Variants in MROH2B observed in about 807,000 individuals in gnomAD.
MROH2B encodes maestro heat like repeat family member 2B.
MROH2B carries 177 observed loss-of-function variants against 208.6 expected under a neutral mutation model. That is an observed-to-expected ratio of 0.85 (90% CI 0.75 to 0.96). The LOEUF is 0.96. Ranked by LOEUF, MROH2B falls within the 40% of genes least tolerant of loss-of-function variation. The pLI, the probability that MROH2B is intolerant of heterozygous loss-of-function variation, is 0.00. For synonymous variants in MROH2B, 728 were observed against 659.0 expected, an observed-to-expected ratio of 1.10 and a Z score of -1.60; for missense variants, 2,002 against 1,878.7, an observed-to-expected ratio of 1.07 and a Z score of -1.21.
At chr5:41,068,707 C>T (rs775198879) in intron 2 of MROH2B, among the ~76,000 whole-genome samples, 2 of 134,398 alleles carry the variant, frequency 1.5e-5, no homozygotes, top group South Asian at 2.2e-4. Flanking sequence ...TTCTGGGATC[C>T]GGAGGTTATT....
intron 20 of MROH2B, 30 bp downstream of exon 20, chr5:41,039,418 T>C: frequency 1.5e-6 from 2 of 1,366,740 alleles, no homozygotes; most frequent in Non-Finnish European, 2.0e-6. Flanking sequence ...CTTGCAATAC[T>C]GAGAATTTGA....
chr5:41,009,025 A>G (rs957048965), intron 32 of MROH2B, among the ~76,000 whole-genome samples: 2 of 152,206 alleles, frequency 1.3e-5, no homozygotes, highest in African/African-American at 4.8e-5. Flanking sequence ...TTCAACAAAA[A>G]GGGTCCTTTG....
intron 29 of MROH2B, among the ~76,000 whole-genome samples, chr5:41,013,756 C>T (rs1741847819): frequency 6.6e-6 from 1 of 152,162 alleles, no homozygotes; most frequent in Non-Finnish European, 1.5e-5. Context: ...AGGAAGGGAA[C>T]TCATGTTTTT....
intron 33 of MROH2B, 129 bp downstream of exon 33, chr5:41,008,467 AGTAGAGCCTT>A: frequency 1.1e-6 from 1 of 891,126 alleles, no homozygotes; most frequent in African/African-American, 1.7e-5. Context: ...GCTTAGGGAG[AGTAGAGCCTT>A]GTAGAGCCTT....
At position 41,038,793 on chromosome 5, in the gene MROH2B, G is replaced by A; in HGVS notation, c.2157C>T (p.Ser719=). 6.2e-7 allele frequency: 1 copy of A among 1,613,626 alleles called. No homozygotes were observed. Among genetic ancestry groups the A allele is most frequent in the Non-Finnish European group, 8.5e-7 (1 of 1,179,698 alleles). ...ALHAPKKQLL[S]RLNQDIISQV... ...GGGATATGATATCTTGATTAAGTCT[G>A]GAGAGAAGTTGCTTCTTGGGAGCAT... The change falls in exon 21 of 42, where the codon TCC becomes TCT. Residue 719 remains serine, a synonymous_variant. Coordinates refer to ENST00000399564, the MANE Select transcript of MROH2B (RefSeq NM_173489.5).
At chr5:41,001,481 C>G (rs1464211433) in intron 37 of MROH2B, among the ~76,000 whole-genome samples, 1 of 152,120 alleles carries the variant, frequency 6.6e-6, no homozygotes. Flanking sequence ...GGAGCAGAGG[C>G]AGGCAGATCA....
chr5:41,008,477 T>C, intron 33 of MROH2B, 129 bp downstream of exon 33: 1 of 1,045,304 alleles, frequency 9.6e-7, no homozygotes. Flanking sequence ...AGTAGAGCCT[T>C]GTAGAGCCTT....
At chr5:41,066,468 C>A (rs938041542) in intron 3 of MROH2B, among the ~76,000 whole-genome samples, 3 of 152,132 alleles carry the variant, frequency 2.0e-5, no homozygotes, top group African/African-American at 4.8e-5. Context: ...CAGGGCCAAC[C>A]AGTGGTGAGA....
intron 24 of MROH2B, among the ~76,000 whole-genome samples, chr5:41,031,564 G>T (rs939570827): frequency 6.6e-6 from 1 of 151,966 alleles, no homozygotes; most frequent in Non-Finnish European, 1.5e-5. Context: ...TCTTTACAGA[G>T]GACTTCTATT....
chr5:41,005,065 C>A, intron 35 of MROH2B, 145 bp from the exon 36 acceptor site: 7 of 1,138,374 alleles, frequency 6.1e-6, no homozygotes, highest in South Asian at 3.3e-5. Flanking sequence ...AACCAGCAAG[C>A]CTTGCTGAAG....
intron 40 of MROH2B, 142 bp downstream of exon 40, chr5:40,999,535 C>T (rs553657271): frequency 2.5e-4 from 144 of 571,806 alleles, no homozygotes; most frequent in African/African-American, 1.7e-3. Context: ...TGTTACATGA[C>T]GTAAGATAAA....
At chr5:41,009,083 G>A (rs1741687192) in intron 32 of MROH2B, among the ~76,000 whole-genome samples, 197 bp downstream of exon 32, 1 of 152,070 alleles carries the variant, frequency 6.6e-6, no homozygotes, top group African/African-American at 2.4e-5. Flanking sequence ...GGTTTTTTGG[G>A]GGGTTGATGA....
At chr5:41,063,633 C>T (rs1038953646) in intron 5 of MROH2B, among the ~76,000 whole-genome samples, 3 of 152,094 alleles carry the variant, frequency 2.0e-5, no homozygotes, top group Non-Finnish European at 4.4e-5. Flanking sequence ...TTCCTGACAG[C>T]GTGGGCTTTT....
chr5:41,040,038 G>A (rs1383460757), intron 19 of MROH2B, among the ~76,000 whole-genome samples: 3 of 152,300 alleles, frequency 2.0e-5, no homozygotes, highest in East Asian at 3.9e-4. Context: ...AGTCAGGGAG[G>A]AGAGCAGTGC....
intron 11 of MROH2B, 78 bp from the exon 12 acceptor site, chr5:41,052,665 C>A (rs1743322182): frequency 3.0e-6 from 4 of 1,338,166 alleles, no homozygotes; most frequent in Non-Finnish European, 4.0e-6. Flanking sequence ...ATTCTATAAT[C>A]TTAAGGATAA....
At chr5:41,034,140 AC>A in intron 21 of MROH2B, 1 of 887,304 alleles carries the variant, frequency 1.1e-6, no homozygotes, top group Non-Finnish European at 1.4e-6. Flanking sequence ...TTCAGCCTTC[AC>A]AATCATTTTA....
At chr5:41,019,763 G>A (rs1200868279) in intron 24 of MROH2B, among the ~76,000 whole-genome samples, 4 of 152,190 alleles carry the variant, frequency 2.6e-5, no homozygotes, top group Non-Finnish European at 4.4e-5. Flanking sequence ...ATAAAATTCA[G>A]TACCAGCTGG....
chr5:41,034,050 T>G (rs1452680382), intron 21 of MROH2B, 186 bp from the exon 22 acceptor site: 1 of 984,844 alleles, frequency 1.0e-6, no homozygotes, highest in Non-Finnish European at 1.2e-6. Flanking sequence ...AGTGAGACCT[T>G]GTACATTTGC....
rs1014853381 is a variant in MROH2B at position 41,018,703 on chromosome 5, T to C, written c.2661A>G (p.Gln887=). The change falls in exon 26 of 42, where the codon CAA becomes CAG. Residue 887 remains glutamine (Q), a synonymous_variant. Coordinates refer to ENST00000399564, the MANE Select transcript of MROH2B (RefSeq NM_173489.5). ...MWDNVNAEDC[Q]EMFNLLQMWL... is the part of the protein sequence containing the mutation. ...AGGCTCTACTCACATTAAACATTTC[T>C]TGACAGTCCTCTGCATTCACATTAT... 2.5e-6 allele frequency: 4 copies of C among 1,613,942 alleles called. No individual in the cohort carries two copies. Among genetic ancestry groups the C allele is most frequent in the South Asian group, 1.1e-5 (1 of 91,084 alleles).
Sources: gnomAD v4.1 joint callset for allele counts (sites outside exome capture counted in the v4.1 genomes callset) on GRCh38, gnomAD v4.1.1 for gene constraint, MANE v1.5 for transcripts, NCBI Gene and HGNC (gene_info 2026-07-23, HGNC 2026-07-21) for gene names.